Variants in IGFBP7 observed in about 807,000 individuals in gnomAD.
IGFBP7 encodes insulin-like growth factor-binding protein 7.
IGFBP7 carries 31 observed loss-of-function variants against 29.4 expected under a neutral mutation model. The observed-to-expected ratio is 1.05, with a 90% CI of 0.79 to 1.42. The LOEUF is 1.42. Among genes scored for constraint, IGFBP7 ranks in the 40% most tolerant of loss-of-function variants. IGFBP7 has a pLI of 0.00. For synonymous variants in IGFBP7, 172 were observed against 174.9 expected (o/e 0.98, Z 0.13); for missense variants, 393 against 395.5 (o/e 0.99, Z 0.05).
chr4:57,107,177 C>T (rs1205927919), intron 1 of IGFBP7, among the ~76,000 whole-genome samples: 1 of 152,114 alleles, frequency 6.6e-6, no homozygotes, highest in African/African-American at 2.4e-5. Context: ...AACATCAAAT[C>T]TGTTTTGTAC....
chr4:57,046,299 G>T (rs1419438153), intron 1 of IGFBP7, among the ~76,000 whole-genome samples: 2 of 151,504 alleles, frequency 1.3e-5, no homozygotes, highest in African/African-American at 2.4e-5. Flanking sequence ...TGAATTGCAG[G>T]TCTGTCCTGC....
At position 57,042,444 on chromosome 4, in the gene IGFBP7, G is replaced by A. The variant is rs575406041; in HGVS notation, c.476-1511C>T. 2.4e-3 allele frequency among the ~76,000 whole-genome samples: 372 copies of A among 152,292 alleles called. 4 individuals carry two copies. Among genetic ancestry groups the A allele is most frequent in the Non-Finnish European group, 3.9e-3 (267 of 68,032 alleles). ...GGCTCACGGCAACCTCCGCCTCCCGGGTTCAAGCTCAAGCAATTCCCATGA... is the reference window on the plus strand; with the variant it reads ...GGCTCACGGCAACCTCCGCCTCCCGAGTTCAAGCTCAAGCAATTCCCATGA... On this transcript the variant is annotated intron_variant, in intron 1 of 4. Coordinates refer to ENST00000295666, the MANE Select transcript of IGFBP7 (RefSeq NM_001553.3).
chr4:57,043,041 A>G (rs903280188), intron 1 of IGFBP7, among the ~76,000 whole-genome samples: 1 of 152,192 alleles, frequency 6.6e-6, no homozygotes, highest in Non-Finnish European at 1.5e-5. Flanking sequence ...GTGCTTGCTG[A>G]CTGCGCCTGT....
At chr4:57,054,136 C>A (rs528624462) in intron 1 of IGFBP7, among the ~76,000 whole-genome samples, 1 of 152,228 alleles carries the variant, frequency 6.6e-6, no homozygotes, top group East Asian at 1.9e-4. Context: ...AGGTGAGCAA[C>A]CACCAAGCCT....
At chr4:57,045,794 C>T (rs1394040682) in intron 1 of IGFBP7, among the ~76,000 whole-genome samples, 6 of 148,754 alleles carry the variant, frequency 4.0e-5, no homozygotes, top group Non-Finnish European at 8.9e-5. Context: ...GGTGTGATCT[C>T]GGCTCACTGC....
intron 1 of IGFBP7, among the ~76,000 whole-genome samples, chr4:57,107,562 T>C (rs769992199): frequency 7.2e-5 from 11 of 152,222 alleles, no homozygotes; most frequent in Non-Finnish European, 1.6e-4. Context: ...GTCTCTGCTG[T>C]GGAAAGTTTC....
intron 1 of IGFBP7, among the ~76,000 whole-genome samples, chr4:57,094,541 T>A (rs1003624676): frequency 6.6e-6 from 1 of 152,130 alleles, no homozygotes; most frequent in Non-Finnish European, 1.5e-5. Context: ...CTCACTAACA[T>A]CTTGTAGGAG....
At chr4:57,109,049 G>C (rs1384121020) in intron 1 of IGFBP7, among the ~76,000 whole-genome samples, 1 of 152,140 alleles carries the variant, frequency 6.6e-6, no homozygotes, top group Non-Finnish European at 1.5e-5. Flanking sequence ...TCTTCAAAGA[G>C]TTTGTATTTT....
chr4:57,076,794 C>A (rs1192080141), intron 1 of IGFBP7, among the ~76,000 whole-genome samples: 1 of 152,112 alleles, frequency 6.6e-6, no homozygotes, highest in Non-Finnish European at 1.5e-5. Flanking sequence ...GCACTAAGAT[C>A]AAAGAATCAT....
At chr4:57,032,165 A>G in intron 4 of IGFBP7, 3 of 756,376 alleles carry the variant, frequency 4.0e-6, no homozygotes, top group Non-Finnish European at 5.4e-6. Flanking sequence ...AATAGAAGCC[A>G]TTCCAGGCAA....
At chr4:57,045,360 T>C (rs1724333846) in intron 1 of IGFBP7, among the ~76,000 whole-genome samples, 1 of 152,200 alleles carries the variant, frequency 6.6e-6, no homozygotes, top group Non-Finnish European at 1.5e-5. Context: ...TCAAATATCC[T>C]TGAACAAATG....
chr4:57,033,178 T>G lies in IGFBP7; in HGVS notation c.702+17A>C. ...CTAAGAATGAAACTCTTGCCAGCTC[T>G]TGGTACTGGTACTCACCAGCACCCA... On this transcript the variant is annotated intron_variant, in intron 3 of 4. Coordinates refer to ENST00000295666, the MANE Select transcript of IGFBP7 (RefSeq NM_001553.3). The G allele has an allele frequency of 1.3e-6, 2 of 1,531,300 alleles. No homozygotes were observed. Among genetic ancestry groups the G allele is most frequent in the African/African-American group, 1.4e-5 (1 of 73,504 alleles). The allele number at this position is 1,531,300 out of a possible 1,614,324, so 94.9% of individuals were successfully genotyped here.
At position 57,108,724 on chromosome 4, in the gene IGFBP7, T is replaced by A. The variant is rs373556119; in HGVS notation, c.475+1153A>T. Among the ~76,000 whole-genome samples, 10 of 151,816 alleles carry A rather than the reference T, an allele frequency of 6.6e-5. No homozygotes were observed. In the East Asian group the frequency reaches 7.7e-4, roughly 12 times the overall value. ...GCCCAGCTAATGTATATATATATAT[T>A]TTTTATTAGAGATGGGGTTTCACCG... is the stretch of plus-strand genomic sequence containing the variant. On this transcript the variant is annotated intron_variant, in intron 1 of 4. Coordinates refer to ENST00000295666, the MANE Select transcript of IGFBP7 (RefSeq NM_001553.3).
At chr4:57,066,744 G>A (rs1724929812) in intron 1 of IGFBP7, among the ~76,000 whole-genome samples, 1 of 151,854 alleles carries the variant, frequency 6.6e-6, no homozygotes, top group Non-Finnish European at 1.5e-5. Flanking sequence ...TGTATTTTTA[G>A]TAGAGATGGG....
chr4:57,108,659 A>T (rs1004083196), intron 1 of IGFBP7, among the ~76,000 whole-genome samples: 1 of 151,700 alleles, frequency 6.6e-6, no homozygotes, highest in Non-Finnish European at 1.5e-5. Flanking sequence ...CTCCTGCCTC[A>T]GCCTCCTGAG....
intron 1 of IGFBP7, among the ~76,000 whole-genome samples, chr4:57,085,454 T>C (rs1725475440): frequency 6.6e-6 from 1 of 152,212 alleles, no homozygotes; most frequent in Non-Finnish European, 1.5e-5. Flanking sequence ...GTGTTTCTTT[T>C]GGTTTCATTT....
rs57704332 is a variant in IGFBP7, at chr4:57,084,788, G to GTTTTTTTTTTT, written c.475+25078_475+25088dup. 4.9e-3 allele frequency among the ~76,000 whole-genome samples: 553 copies of GTTTTTTTTTTT among 113,036 alleles called. 56 individuals carry two copies. The highest frequency in any genetic ancestry group is 6.1e-3 in the Non-Finnish European group (354 of 58,056). The allele number at this position is 113,036 out of a possible 152,430, so 74.2% of individuals were successfully genotyped here. The stretch of plus-strand genomic sequence containing the variant: ...CTTTTTACTCAGATGTTTAAAAAAG[G>GTTTTTTTTTTT]TTTTTTTTTTTTTTTTTTTTGGGAC... On this transcript the variant is annotated intron_variant, in intron 1 of 4. Transcript: ENST00000295666.
chr4:57,031,271 A>G lies in IGFBP7; in HGVS notation c.*46T>C, dbSNP rs770062451. ...TTAGGCAAGAACAGGTAATGTAGTT[A>G]TCCATGACTACTTTTAACCATGCAG... On this transcript the variant is annotated 3_prime_UTR_variant, in exon 5 of 5. Transcript: ENST00000295666. 5 of 1,513,334 alleles carry G rather than the reference A, an allele frequency of 3.3e-6. No homozygotes were observed. The African/African-American group carries it at 6.9e-5, about 21-fold the overall frequency. 93.7% of individuals were successfully genotyped at this position (1,513,334 alleles called of 1,614,324 possible).
chr4:57,064,119 C>G (rs1020236184), intron 1 of IGFBP7, among the ~76,000 whole-genome samples: 1 of 152,082 alleles, frequency 6.6e-6, no homozygotes, highest in Admixed American at 6.6e-5. Context: ...TGGGCAGATC[C>G]CTTGAGCCTA....
Sources: allele counts gnomAD v4.1 joint callset (sites outside exome capture counted in the v4.1 genomes callset), GRCh38; gene constraint gnomAD v4.1.1; transcripts MANE v1.5; gene names NCBI Gene and HGNC (gene_info 2026-07-23, HGNC 2026-07-21).